The following ANKFN1 variants were observed in gnomAD, a reference collection of about 807,000 sequenced individuals.
The protein encoded by ANKFN1 is ankyrin repeat and fibronectin type-III domain-containing protein 1.
ANKFN1 carries 74 observed loss-of-function variants against 108.7 expected under a neutral mutation model. The observed-to-expected ratio is 0.68, with a 90% CI of 0.56 to 0.83. ANKFN1 has a LOEUF of 0.83. ANKFN1 is among the 40% of genes least tolerant of loss of function. The probability of loss-of-function intolerance (pLI) is 0.00; values close to 1 mark genes in which losing one functional copy is unlikely to be tolerated. For synonymous variants in ANKFN1, 547 were observed against 516.2 expected, an observed-to-expected ratio of 1.06 and a Z score of -0.81; for missense variants, 1,505 against 1,382.3, an observed-to-expected ratio of 1.09 and a Z score of -1.41.
rs1487785521 is a variant in ANKFN1 at position 56,510,932 on chromosome 17, C to T, written c.3104C>T (p.Thr1035Ile). ...CTATCGCTCTCTGAGGGCATTTATA[C>T]ACAGCACCTGTCCCAGGCCTGTGGT... ...QSLSLSEGIY[T>I]QHLSQACGLA... The change falls in exon 21 of 21, where the codon ACA becomes ATA. Residue 1035 changes from threonine (T) to isoleucine (I), a missense_variant. Thr to Ile is a moderately conservative substitution (Grantham distance 89). Coordinates refer to ENST00000682825, the MANE Select transcript of ANKFN1 (RefSeq NM_001370326.1). 3 of 1,536,160 alleles carry T rather than the reference C, an allele frequency of 2.0e-6. No individual in the cohort carries two copies. The highest frequency in any genetic ancestry group is 2.4e-5 in the East Asian group (1 of 40,908).
intron 3 of ANKFN1, among the ~76,000 whole-genome samples, chr17:56,308,747 AT>A (rs1253074465): frequency 2.6e-5 from 4 of 152,080 alleles, no homozygotes; most frequent in African/African-American, 9.7e-5. Context: ...CGTTCTGTTG[AT>A]ATTTTCTGAG....
At chr17:56,054,664 C>G (rs1904834874) in intron 4 of ANKFN1, among the ~76,000 whole-genome samples, 1 of 152,138 alleles carries the variant, frequency 6.6e-6, no homozygotes, top group African/African-American at 2.4e-5. Context: ...GTAATCCTAG[C>G]ACTTTTGGAG....
At chr17:56,284,061 A>T (rs185808203) in intron 3 of ANKFN1, among the ~76,000 whole-genome samples, 82 of 152,318 alleles carry the variant, frequency 5.4e-4, no homozygotes, top group South Asian at 1.4e-3. Context: ...GATAAATTAA[A>T]TGCTCTGTAT....
At chr17:56,506,435 G>A (rs1192841609) in intron 20 of ANKFN1, among the ~76,000 whole-genome samples, 3 of 152,088 alleles carry the variant, frequency 2.0e-5, no homozygotes, top group African/African-American at 4.8e-5. Flanking sequence ...AGCAGAGATA[G>A]CAGTGGCATG....
At chr17:56,210,078 A>ATAGG (rs1163704583) in intron 1 of ANKFN1, among the ~76,000 whole-genome samples, 4 of 151,948 alleles carry the variant, frequency 2.6e-5, no homozygotes, top group African/African-American at 9.7e-5. Flanking sequence ...AGATAGATAG[A>ATAGG]TAGATAGATA....
chr17:56,138,279 A>C (rs1907707692), intron 4 of ANKFN1, among the ~76,000 whole-genome samples: 1 of 151,532 alleles, frequency 6.6e-6, no homozygotes, highest in African/African-American at 2.4e-5. Context: ...ATCTCAAAAA[A>C]AGTCCATCCA....
chr17:56,096,792 A>G (rs1041520656), intron 4 of ANKFN1, among the ~76,000 whole-genome samples: 6 of 152,242 alleles, frequency 3.9e-5, no homozygotes, highest in Admixed American at 3.9e-4. Context: ...AAATCATTCT[A>G]CCGTAAAGAC....
At chr17:56,089,474 T>A (rs1278951393) in intron 4 of ANKFN1, among the ~76,000 whole-genome samples, 3 of 151,466 alleles carry the variant, frequency 2.0e-5, no homozygotes, top group Non-Finnish European at 4.4e-5. Context: ...TGATACACAG[T>A]TCTAAAGTGC....
chr17:56,391,919 A>G (rs1354429539), intron 8 of ANKFN1, among the ~76,000 whole-genome samples: 1 of 152,144 alleles, frequency 6.6e-6, no homozygotes, highest in Non-Finnish European at 1.5e-5. Flanking sequence ...TAATTAATGT[A>G]TTTACTCATT....
In ANKFN1 at chr17:56,189,570, T is replaced by C. The variant is rs181273127; in HGVS notation, c.-70-23028T>C. On this transcript the variant is annotated intron_variant, in intron 1 of 20. Coordinates refer to ENST00000682825, the MANE Select transcript of ANKFN1 (RefSeq NM_001370326.1). ...GCCAGTTGGTCAGAAGTGCAGGTGA[T>C]AACCTGGGACTTTTGGGATCTGAAG... Among the ~76,000 whole-genome samples, 262 of 152,322 alleles carry C rather than the reference T, an allele frequency of 1.7e-3. 3 individuals are homozygous for C. Among genetic ancestry groups the C allele is most frequent in the African/African-American group, 6.1e-3 (252 of 41,568 alleles).
chr17:56,447,431 G>A (rs999772772), intron 10 of ANKFN1, among the ~76,000 whole-genome samples: 1 of 152,008 alleles, frequency 6.6e-6, no homozygotes, highest in Non-Finnish European at 1.5e-5. Context: ...AGAGAAAAGA[G>A]AAAAATAAAA....
chr17:56,056,017 A>G (rs1904871135), intron 4 of ANKFN1, among the ~76,000 whole-genome samples: 1 of 151,458 alleles, frequency 6.6e-6, no homozygotes, highest in South Asian at 2.1e-4. Context: ...TTTGCTGCTT[A>G]TATTTCCTCT....
chr17:56,046,590 C>A lies in ANKFN1; in HGVS notation c.288+265C>A, dbSNP rs79155014. Among the ~76,000 whole-genome samples, 75 of 152,130 alleles carry A rather than the reference C, an allele frequency of 4.9e-4. 1 individual carries two copies. The East Asian group carries it at 0.011, about 23-fold the overall frequency. ...TCAGTCTTTAAAGTGGGCTGCATGG[C>A]AGAAAGACATCACTGTCCAGAGGAG... is the stretch of plus-strand genomic sequence containing the variant. On this transcript the variant is annotated intron_variant, in intron 4 of 12. Coordinates refer to the ANKFN1 transcript ENST00000635860.
At chr17:56,174,274 C>A (rs764423720) in intron 1 of ANKFN1, 8 of 985,642 alleles carry the variant, frequency 8.1e-6, no homozygotes, top group Non-Finnish European at 8.4e-6. Context: ...CAGAGACACT[C>A]TTCACTGCAA....
In ANKFN1 at chr17:56,326,325, G is replaced by T; in HGVS notation, c.158G>T (p.Cys53Phe). The stretch of plus-strand genomic sequence containing the variant: ...AGCACTGGACAATTACCAACAACTT[G>T]TTCCTCTGCTGCCTCGAACAGCATA... The part of the protein sequence containing the change: ...NESTGQLPTT[C>F]SSAASNSINW... Residue 53 changes from cysteine (C) to phenylalanine (F), a missense_variant, in exon 4 of 21, where the codon TGT becomes TTT. Physicochemically the swap from Cys to Phe is radical, Grantham distance 205. Coordinates refer to ENST00000682825, the MANE Select transcript of ANKFN1 (RefSeq NM_001370326.1). The T allele has an allele frequency of 6.2e-7, 1 of 1,613,764 alleles. No individual in the cohort carries two copies. The highest frequency in any genetic ancestry group is 1.7e-5 in the Admixed American group (1 of 59,970).
chr17:56,228,049 C>A, intron 3 of ANKFN1, 92 bp downstream of exon 3: 1 of 1,096,362 alleles, frequency 9.1e-7, no homozygotes, highest in Non-Finnish European at 1.3e-6. Flanking sequence ...CACATTGCTG[C>A]ATTTTTAAAG....
chr17:56,368,571 C>T (rs1451415439), intron 6 of ANKFN1, among the ~76,000 whole-genome samples: 1 of 151,770 alleles, frequency 6.6e-6, no homozygotes, highest in Non-Finnish European at 1.5e-5. Context: ...TGAGCCACCG[C>T]GCCCGGCTGA....
intron 8 of ANKFN1, among the ~76,000 whole-genome samples, chr17:56,431,259 A>T (rs570703484): frequency 6.6e-6 from 1 of 152,350 alleles, no homozygotes; most frequent in Admixed American, 6.5e-5. Context: ...GGATAGAATT[A>T]CTAAATTACT....
chr17:56,197,153 C>T (rs1460085521), intron 1 of ANKFN1, among the ~76,000 whole-genome samples: 1 of 152,122 alleles, frequency 6.6e-6, no homozygotes, highest in Non-Finnish European at 1.5e-5. Flanking sequence ...TTTAGTACAG[C>T]GTATCTATAT....
Sources: allele counts gnomAD v4.1 joint callset (sites outside exome capture counted in the v4.1 genomes callset), GRCh38; gene constraint gnomAD v4.1.1; transcripts MANE v1.5; gene names NCBI Gene and HGNC (gene_info 2026-07-23, HGNC 2026-07-21).